Variants in FKBP8 observed in about 807,000 individuals in gnomAD.
FKBP8 encodes FKBP prolyl isomerase 8, also known as peptidyl-prolyl cis-trans isomerase FKBP8.
A neutral mutation model predicts 41.7 loss-of-function variants in FKBP8; 5 were observed. The observed-to-expected ratio is 0.12, with a 90% CI of 0.06 to 0.25. The LOEUF is 0.25. Ranked by LOEUF, FKBP8 falls within the 10% of genes least tolerant of loss-of-function variation. FKBP8 has a pLI of 1.00. For synonymous variants in FKBP8, 279 were observed against 254.5 expected (o/e 1.10, Z -0.92); for missense variants, 397 against 563.0 (o/e 0.71, Z 2.98).
intron 2 of FKBP8, among the ~76,000 whole-genome samples, chr19:18,540,417 A>T (rs1215439608): frequency 6.6e-6 from 1 of 151,940 alleles, no homozygotes; most frequent in African/African-American, 2.4e-5. Flanking sequence ...CCTGGGCAAC[A>T]TAGTGAGACC....
At position 18,538,174 on chromosome 19, in the gene FKBP8, C is replaced by G. The variant is rs904744420; in HGVS notation, c.772+42G>C. 2 of 1,562,074 alleles carry G rather than the reference C, an allele frequency of 1.3e-6. No homozygotes were observed. The highest frequency in any genetic ancestry group is 1.4e-5 in the African/African-American group (1 of 73,942). ...GGAAGTTTCTGGCACGGAGTGGACACCTTTGCAGGGGAGATGGTGGAGATC... is the reference window on the plus strand; with the variant it reads ...GGAAGTTTCTGGCACGGAGTGGACAGCTTTGCAGGGGAGATGGTGGAGATC... On this transcript the variant is annotated intron_variant, in intron 5 of 8. Coordinates refer to ENST00000608443, the MANE Select transcript of FKBP8 (RefSeq NM_012181.5). The surrounding 1 kb of genome is among the most constrained non-coding windows in gnomAD (Gnocchi z 4.0).
rs185083797 is a variant in FKBP8, at chr19:18,535,681, G to A, written c.945+1920C>T. Reference sequence around the variant, plus strand: ...AGAGGTTGCAGTGAGCCAAGATCGTGCCACTGCACTCCAGCCTGGGTGACA... The same window carrying A: ...AGAGGTTGCAGTGAGCCAAGATCGTACCACTGCACTCCAGCCTGGGTGACA... On this transcript the variant is annotated intron_variant, in intron 6 of 8. Coordinates refer to ENST00000608443, the MANE Select transcript of FKBP8 (RefSeq NM_012181.5). Among the ~76,000 whole-genome samples, 3 of 146,960 alleles carry A rather than the reference G, an allele frequency of 2.0e-5. No homozygotes were observed. In the East Asian group the frequency reaches 6.2e-4, roughly 30 times the overall value.
chr19:18,542,568 A>G, intron 1 of FKBP8: 1 of 194,508 alleles, frequency 5.1e-6, no homozygotes. Context: ...CAAAAGCACC[A>G]ACTGTAATCA....
chr19:18,541,810 G>C lies in FKBP8; in HGVS notation c.161C>G (p.Pro54Arg). ...EEEDDLSELP[P>R]LEDMGQPPAE... Reference sequence around the variant, plus strand: ...CGGGGGTTGTCCCATGTCCTCCAGCGGTGGCAGCTCACTCAGGTCATCCTC... The same window carrying C: ...CGGGGGTTGTCCCATGTCCTCCAGCCGTGGCAGCTCACTCAGGTCATCCTC... Residue 54 changes from proline (P) to arginine (R), a missense_variant, in exon 2 of 9, where the codon CCG becomes CGG. Coordinates refer to ENST00000608443, the MANE Select transcript of FKBP8 (RefSeq NM_012181.5). 1 of 1,613,686 alleles carries C rather than the reference G, an allele frequency of 6.2e-7. No individual in the cohort carries two copies. Among genetic ancestry groups the C allele is most frequent in the Non-Finnish European group, 8.5e-7 (1 of 1,179,818 alleles).
In FKBP8 at chr19:18,541,836, T is replaced by G; in HGVS notation, c.135A>C (p.Glu45Asp). 6.2e-7 allele frequency: 1 copy of G among 1,613,318 alleles called. No homozygotes were observed. Among genetic ancestry groups the G allele is most frequent in the Non-Finnish European group, 8.5e-7 (1 of 1,179,612 alleles). Residue 45 changes from glutamate to aspartate, a missense_variant, in exon 2 of 9, where the codon GAA becomes GAC. By Grantham distance (45) the Glu-to-Asp change is conservative. Around this residue, in one of 2 missense-constraint regions of FKBP8, gnomAD observed 172 missense variants for 196.2 expected, o/e 0.88. Coordinates refer to ENST00000608443, the MANE Select transcript of FKBP8 (RefSeq NM_012181.5). ...GEEEEEEEEE[E>D]EDDLSELPPL... ...GTGGCAGCTCACTCAGGTCATCCTCTTCCTCCTCTTCCTCCTCCTCTTCCT... is the reference window on the plus strand; with the variant it reads ...GTGGCAGCTCACTCAGGTCATCCTCGTCCTCCTCTTCCTCCTCCTCTTCCT...
chr19:18,534,169 T>C (rs1407381725), intron 6 of FKBP8, among the ~76,000 whole-genome samples: 1 of 119,586 alleles, frequency 8.4e-6, no homozygotes, highest in Admixed American at 8.7e-5. Flanking sequence ...TAGCCGGGCA[T>C]GGTGGCGGGC....
intron 6 of FKBP8, among the ~76,000 whole-genome samples, chr19:18,534,120 A>G (rs931496814): frequency 3.3e-5 from 5 of 150,728 alleles, no homozygotes; most frequent in Non-Finnish European, 7.4e-5. Context: ...CCTGGCTAAC[A>G]TGGTGAAACT....
chr19:18,537,486 C>T lies in FKBP8; in HGVS notation c.945+115G>A, dbSNP rs1976605490. The T allele has an allele frequency of 1.0e-6, 1 of 969,550 alleles. No individual in the cohort carries two copies. The highest frequency in any genetic ancestry group is 1.4e-6 in the Non-Finnish European group (1 of 693,702). The allele number at this position is 969,550 out of a possible 1,614,324, so 60.1% of individuals were successfully genotyped here. A position where few individuals can be genotyped will look rare whatever the true frequency, so the allele number is the denominator to read the frequency against. On this transcript the variant is annotated intron_variant, in intron 6 of 8. Transcript: ENST00000608443. The surrounding 1 kb of genome is among the most constrained non-coding windows in gnomAD (Gnocchi z 4.4). ...GTCTGGGCCTCAGTTTCTCCACCTG[C>T]ACCCCACAGAGCTCAGCTGGCTTAT...
intron 6 of FKBP8, among the ~76,000 whole-genome samples, chr19:18,533,810 T>A (rs1283555195): frequency 6.6e-6 from 1 of 150,400 alleles, no homozygotes; most frequent in Non-Finnish European, 1.5e-5. Flanking sequence ...ATCAAGACCA[T>A]CCTGGCTAAG....
At chr19:18,532,488 C>T in intron 8 of FKBP8, 176 bp downstream of exon 8, 1 of 1,082,110 alleles carries the variant, frequency 9.2e-7, no homozygotes, top group Non-Finnish European at 1.3e-6. Flanking sequence ...CCCCAGCCCT[C>T]CAGCTTGAGT....
chr19:18,532,839 G>C (rs1346009760), intron 7 of FKBP8, 44 bp from the exon 8 acceptor site: 1 of 1,605,682 alleles, frequency 6.2e-7, no homozygotes, highest in African/African-American at 1.3e-5. Flanking sequence ...CGGCCAACCT[G>C]TCATCACTGG....
chr19:18,532,847 T>C (rs775725809), intron 7 of FKBP8, 52 bp from the exon 8 acceptor site: 3 of 1,601,928 alleles, frequency 1.9e-6, no homozygotes, highest in Non-Finnish European at 8.5e-7. Flanking sequence ...CTGTCATCAC[T>C]GGCGCTCTGC....
intron 1 of FKBP8, 196 bp from the exon 2 acceptor site, chr19:18,542,191 C>T: frequency 3.0e-6 from 2 of 673,110 alleles, no homozygotes; most frequent in East Asian, 2.8e-5. Flanking sequence ...AAGCCCTTGG[C>T]ATCAGGCTCA....
chr19:18,533,516 C>T (rs999480820), intron 6 of FKBP8, among the ~76,000 whole-genome samples, 169 bp from the exon 7 acceptor site: 2 of 152,058 alleles, frequency 1.3e-5, no homozygotes, highest in Non-Finnish European at 2.9e-5. Context: ...ACAGCCTGGC[C>T]AACATGGAGA....
chr19:18,538,136 G>GCT lies in FKBP8; in HGVS notation c.772+78_772+79dup, dbSNP rs1976621167. The GCT allele has an allele frequency of 2.4e-5, 34 of 1,403,946 alleles. No homozygotes were observed. The East Asian group carries it at 7.8e-4, about 32-fold the overall frequency. The allele number at this position is 1,403,946 out of a possible 1,614,324, so 87.0% of individuals were successfully genotyped here. A position where few individuals can be genotyped will look rare whatever the true frequency, so the allele number is the denominator to read the frequency against. The stretch of plus-strand genomic sequence containing the variant: ...TATTCTAGAATATTCTGAGTCTGAG[G>GCT]CTCTCTGGGGCTGGAAGTTTCTGGC... On this transcript the variant is annotated intron_variant, in intron 5 of 8. Coordinates refer to ENST00000608443, the MANE Select transcript of FKBP8 (RefSeq NM_012181.5). This position sits in a 1 kb window ranked among gnomAD's most constrained non-coding sequence, Gnocchi z 4.0.
chr19:18,538,577 T>C lies in FKBP8; in HGVS notation c.552-141A>G. 1 of 698,890 alleles carries C rather than the reference T, an allele frequency of 1.4e-6. No homozygotes were observed. The highest frequency in any genetic ancestry group is 2.3e-6 in the Non-Finnish European group (1 of 430,374). The allele number at this position is 698,890 out of a possible 1,614,324, so 43.3% of individuals were successfully genotyped here. ...CTCCATCATTCCCTCCTCAGTAAAG[T>C]GCAGGGGAAGTGACTTGCCGCCTTG... On this transcript the variant is annotated intron_variant, in intron 4 of 8. Transcript: ENST00000608443. This position sits in a 1 kb window ranked among gnomAD's most constrained non-coding sequence, Gnocchi z 4.0.
chr19:18,539,257 C>A lies in FKBP8; in HGVS notation c.551+114G>T, dbSNP rs899777933. The A allele has an allele frequency of 4.2e-6, 4 of 950,426 alleles. No homozygotes were observed. The African/African-American group carries it at 6.6e-5, about 16-fold the overall frequency. The allele number at this position is 950,426 out of a possible 1,614,324, so 58.9% of individuals were successfully genotyped here. A position where few individuals can be genotyped will look rare whatever the true frequency, so the allele number is the denominator to read the frequency against. On this transcript the variant is annotated intron_variant, in intron 4 of 8. Coordinates refer to ENST00000608443, the MANE Select transcript of FKBP8 (RefSeq NM_012181.5). ...TTCAGGTGTGAGCCACCTCACCCAG[C>A]CTCAGTTTCTTGTCTATAAAATGGG...
At position 18,539,673 on chromosome 19, in the gene FKBP8, A is replaced by G; in HGVS notation, c.340T>C (p.Ser114Pro). 1 of 1,611,162 alleles carries G rather than the reference A, an allele frequency of 6.2e-7. No homozygotes were observed. Among genetic ancestry groups the G allele is most frequent in the East Asian group, 2.2e-5 (1 of 44,886 alleles). Reference protein sequence around the residue: ...KKTLVPGPPGSSRPVKGQVVT... With the variant: ...KKTLVPGPPGPSRPVKGQVVT... ...ACCTGGCCCTTGACCGGGCGGCTCG[A>G]ACCTGGCGGCCCTGGGACCAGCGTC... The change falls in exon 3 of 9, where the codon TCG becomes CCG. Residue 114 changes from serine (S) to proline (P), a missense_variant. Physicochemically the swap from Ser to Pro is moderately conservative, Grantham distance 74 (BLOSUM62 -1). Coordinates refer to ENST00000608443, the MANE Select transcript of FKBP8 (RefSeq NM_012181.5).
chr19:18,538,972 G>A lies in FKBP8; in HGVS notation c.551+399C>T, dbSNP rs1158443189. 6.6e-6 allele frequency among the ~76,000 whole-genome samples: 1 copy of A among 151,808 alleles called. No individual in the cohort carries two copies. Among genetic ancestry groups the A allele is most frequent in the Non-Finnish European group, 1.5e-5 (1 of 67,968 alleles). On this transcript the variant is annotated intron_variant, in intron 4 of 8. Coordinates refer to ENST00000608443, the MANE Select transcript of FKBP8 (RefSeq NM_012181.5). The surrounding 1 kb of genome is among the most constrained non-coding windows in gnomAD (Gnocchi z 4.0). ...TGGGACTACAGGCACCCACCACCAC[G>A]CCTGGCTAATTTTTTGTATTTTTAG... is the stretch of plus-strand genomic sequence containing the variant.
Sources: gnomAD v4.1 joint callset for allele counts (sites outside exome capture counted in the v4.1 genomes callset) on GRCh38, gnomAD v4.1.1 for gene constraint, gnomAD v4.1.1 regional missense constraint, Gnocchi (gnomAD v3.1) non-coding constraint, MANE v1.5 for transcripts, NCBI Gene and HGNC (gene_info 2026-07-23, HGNC 2026-07-21) for gene names.